PIGH: variants seen among roughly 807,000 people sequenced by gnomAD.
The protein encoded by PIGH is phosphatidylinositol N-acetylglucosaminyltransferase subunit H.
In PIGH, 11 loss-of-function variants were observed where a neutral mutation model predicts 20.1. That is an observed-to-expected ratio of 0.55 (90% CI 0.34 to 0.91). The LOEUF is 0.91. PIGH is among the 40% of genes least tolerant of loss of function. The pLI is 0.02. For synonymous variants in PIGH, 72 were observed against 93.1 expected (o/e 0.77, Z 1.31); for missense variants, 189 against 233.6 (o/e 0.81, Z 1.24).
In PIGH at chr14:67,589,619, T is replaced by C. The variant is rs563871635; in HGVS notation, c.*461A>G. ...CACAGGCACTAGGTTGACAGACTCG[T>C]CTTTTGTAGGACATTTCTTCCTGCT... is the stretch of plus-strand genomic sequence containing the variant. On this transcript the variant is annotated 3_prime_UTR_variant, in exon 4 of 4. Coordinates refer to ENST00000216452, the MANE Select transcript of PIGH (RefSeq NM_004569.5). 5 of 986,154 alleles carry C rather than the reference T, an allele frequency of 5.1e-6. No homozygotes were observed. The African/African-American group carries it at 7.0e-5, about 14-fold the overall frequency. The allele number at this position is 986,154 out of a possible 1,614,324, so 61.1% of individuals were successfully genotyped here.
chr14:67,593,101 T>A (rs2036406714), intron 2 of PIGH, among the ~76,000 whole-genome samples: 1 of 152,216 alleles, frequency 6.6e-6, no homozygotes, highest in Non-Finnish European at 1.5e-5. Flanking sequence ...TCTATTTTTC[T>A]AAGGGAAGGC....
chr14:67,592,823 T>G (rs886345174), intron 2 of PIGH, 105 bp from the exon 3 acceptor site: 1 of 745,618 alleles, frequency 1.3e-6, no homozygotes, highest in Non-Finnish European at 2.3e-6. Flanking sequence ...TCTCTCTCTG[T>G]TGCCCAAGCT....
intron 3 of PIGH, among the ~76,000 whole-genome samples, chr14:67,591,461 C>A (rs1422026645): frequency 6.6e-6 from 1 of 152,176 alleles, no homozygotes; most frequent in African/African-American, 2.4e-5. Context: ...GTCAGTGAGG[C>A]AGGGTTAACT....
chr14:67,592,278 TAAAA>T, intron 3 of PIGH: 1 of 343,626 alleles, frequency 2.9e-6, no homozygotes, highest in Non-Finnish European at 5.6e-6. Flanking sequence ...CTACTAAAAA[TAAAA>T]AAAAAAAATT....
chr14:67,599,272 A>T (rs4902498), intron 1 of PIGH, among the ~76,000 whole-genome samples: 1 of 152,090 alleles, frequency 6.6e-6, no homozygotes, highest in Non-Finnish European at 1.5e-5. Flanking sequence ...AATTAGGATA[A>T]TTCTTTTTAT....
Position 67,592,677 on chromosome 14 carries a change from T to C in PIGH, c.432A>G (p.Pro144=). 6 of 1,609,470 alleles carry C rather than the reference T, an allele frequency of 3.7e-6. No homozygotes were observed. Among genetic ancestry groups the C allele is most frequent in the Non-Finnish European group, 5.1e-6 (6 of 1,177,388 alleles). Residue 144 remains proline, a synonymous_variant, in exon 3 of 4, where the codon CCA becomes CCG. Coordinates refer to ENST00000216452, the MANE Select transcript of PIGH (RefSeq NM_004569.5). ...IYYLCILLKD[P]VEPHGISQVV... The stretch of plus-strand genomic sequence containing the variant: ...CTTGGGATATCCCATGTGGTTCCAC[T>C]GGATCTTTCAATAAGATGCAGAGGT...
chr14:67,593,346 C>A, intron 2 of PIGH: 2 of 215,196 alleles, frequency 9.3e-6, no homozygotes, highest in Admixed American at 5.3e-5. Context: ...AAAAAACGAG[C>A]CAAGCATGGT....
At chr14:67,595,134 C>T (rs1217039697) in intron 1 of PIGH, among the ~76,000 whole-genome samples, 1 of 66,512 alleles carries the variant, frequency 1.5e-5, no homozygotes, top group Non-Finnish European at 4.3e-5. Flanking sequence ...GAGACTCCGT[C>T]TAAAAAAAAT....
intron 1 of PIGH, among the ~76,000 whole-genome samples, chr14:67,595,391 G>GT (rs2036454962): frequency 6.6e-6 from 1 of 152,132 alleles, no homozygotes; most frequent in African/African-American, 2.4e-5. Flanking sequence ...TCAAACCATC[G>GT]TAAGTTGGGA....
At chr14:67,595,042 CAGG>C (rs1373996159) in intron 1 of PIGH, among the ~76,000 whole-genome samples, 1 of 151,864 alleles carries the variant, frequency 6.6e-6, no homozygotes, top group Non-Finnish European at 1.5e-5. Flanking sequence ...GAGGCTGAGG[CAGG>C]AGAATGGCGT....
chr14:67,592,278 T>TAAAA, intron 3 of PIGH: 1 of 343,626 alleles, frequency 2.9e-6, no homozygotes, highest in Admixed American at 3.5e-5. Context: ...CTACTAAAAA[T>TAAAA]AAAAAAAAAA....
chr14:67,590,681 C>T (rs181580928), intron 3 of PIGH, among the ~76,000 whole-genome samples: 513 of 152,252 alleles, frequency 3.4e-3, no homozygotes, highest in Non-Finnish European at 6.0e-3. Context: ...CAATCTCTCA[C>T]CCACATCAAG....
chr14:67,594,974 A>G (rs2036444087), intron 1 of PIGH, among the ~76,000 whole-genome samples: 1 of 151,816 alleles, frequency 6.6e-6, no homozygotes, highest in East Asian at 2.0e-4. Flanking sequence ...CGTCTCTACT[A>G]AAAATACTAA....
intron 1 of PIGH, 49 bp downstream of exon 1, chr14:67,599,975 A>C (rs1286226388): frequency 6.7e-7 from 1 of 1,493,536 alleles, no homozygotes; most frequent in South Asian, 1.3e-5. Flanking sequence ...GACCCTCCCA[A>C]AGCCGAACCC....
At chr14:67,593,655 T>C in intron 2 of PIGH, 88 bp downstream of exon 2, 1 of 737,580 alleles carries the variant, frequency 1.4e-6, no homozygotes, top group East Asian at 2.5e-5. Flanking sequence ...AGTCTCACTT[T>C]TACGGTTTTA....
intron 3 of PIGH, 59 bp from the exon 4 acceptor site, chr14:67,590,231 T>G: frequency 7.5e-7 from 1 of 1,328,606 alleles, no homozygotes. Context: ...AGTGCAGTGG[T>G]GCTGCATCCA....
chr14:67,593,385 G>C (rs2036411648), intron 2 of PIGH: 1 of 261,280 alleles, frequency 3.8e-6, no homozygotes, highest in South Asian at 4.4e-5. Context: ...CAGCTACTCA[G>C]GAGGCTGAGG....
intron 1 of PIGH, among the ~76,000 whole-genome samples, chr14:67,594,271 C>A (rs2036429369): frequency 6.6e-6 from 1 of 152,088 alleles, no homozygotes; most frequent in Non-Finnish European, 1.5e-5. Context: ...ATCGTTTGAG[C>A]CCAGGAGTTC....
At chr14:67,598,713 C>CTTT (rs10681128) in intron 1 of PIGH, among the ~76,000 whole-genome samples, 79,583 of 144,172 alleles carry the variant, frequency 0.55, 22,226 homozygotes, top group Non-Finnish European at 0.58. Context: ...TATGAACAAA[C>CTTT]TTTTTTTTTT....
Sources: allele counts gnomAD v4.1 joint callset (sites outside exome capture counted in the v4.1 genomes callset), GRCh38; gene constraint gnomAD v4.1.1; transcripts MANE v1.5; gene names NCBI Gene and HGNC (gene_info 2026-07-23, HGNC 2026-07-21).